Variants in SGCD observed in about 807,000 individuals in gnomAD.
The protein encoded by SGCD is sarcoglycan delta, also known as delta-sarcoglycan.
In SGCD, 18 loss-of-function variants were observed where a neutral mutation model predicts 36.6. The ratio of observed to expected loss-of-function variants is 0.49; its 90% CI spans 0.34 to 0.73. The LOEUF is 0.73. SGCD is among the 30% of genes least tolerant of loss of function. SGCD has a pLI of 0.01. For missense variants in SGCD, 387 were observed against 346.7 expected (o/e 1.12, Z -0.92); for synonymous variants, 133 against 130.6 (o/e 1.02, Z -0.12).
intron 1 of SGCD, among the ~76,000 whole-genome samples, chr5:155,948,986 G>A (rs988091952): frequency 6.6e-6 from 1 of 152,148 alleles, no homozygotes; most frequent in Non-Finnish European, 1.5e-5. Context: ...CAGCTCAGCT[G>A]AGTCTCTGCA....
At chr5:156,365,302 G>A (rs1770034658) in intron 3 of SGCD, among the ~76,000 whole-genome samples, 1 of 152,158 alleles carries the variant, frequency 6.6e-6, no homozygotes, top group Non-Finnish European at 1.5e-5. Context: ...CAAAAACTAG[G>A]AATTCCAATC....
At chr5:156,321,523 C>T (rs73304421) in intron 3 of SGCD, among the ~76,000 whole-genome samples, 2,082 of 152,278 alleles carry the variant, frequency 0.014, 55 homozygotes, top group African/African-American at 0.048. Context: ...CCATAATCCA[C>T]CTGATACTTT....
At chr5:155,808,593 T>C in the SGCD span, among the ~76,000 whole-genome samples, 4 of 152,166 alleles carry the variant, frequency 2.6e-5, no homozygotes, top group African/African-American at 9.7e-5. Flanking sequence ...ATCTGAGAAA[T>C]GGACCCAAAA....
chr5:156,168,424 A>C (rs530891395), intron 3 of SGCD, among the ~76,000 whole-genome samples: 1 of 152,126 alleles, frequency 6.6e-6, no homozygotes, highest in South Asian at 2.1e-4. Context: ...GCATAACATA[A>C]GTTACTTGGG....
At chr5:155,789,336 T>C in the SGCD span, among the ~76,000 whole-genome samples, 3 of 152,272 alleles carry the variant, frequency 2.0e-5, no homozygotes, top group African/African-American at 7.2e-5. Context: ...GAAATTTGCA[T>C]TGAACTAATT....
intron 3 of SGCD, among the ~76,000 whole-genome samples, chr5:156,409,334 T>A (rs1231265627): frequency 6.6e-6 from 1 of 152,170 alleles, no homozygotes; most frequent in Non-Finnish European, 1.5e-5. Context: ...CAAACTTCTC[T>A]GTTTTAAAAT....
intron 3 of SGCD, among the ~76,000 whole-genome samples, chr5:156,402,715 G>A (rs13185401): frequency 0.24 from 36,304 of 152,082 alleles, 5,431 homozygotes; most frequent in Middle Eastern, 0.36. Flanking sequence ...AATAATCAAA[G>A]GGTCAGTCTG....
chr5:156,119,726 C>T (rs979951245), intron 2 of SGCD, among the ~76,000 whole-genome samples: 4 of 152,122 alleles, frequency 2.6e-5, no homozygotes, highest in South Asian at 2.1e-4. Flanking sequence ...TTTGCCTTCT[C>T]GGGATGCCCA....
Position 156,477,021 on chromosome 5 carries a change from G to A in SGCD, c.193-31580G>A, listed in dbSNP as rs1400777112. 5.6e-5 allele frequency among the ~76,000 whole-genome samples: 8 copies of A among 143,454 alleles called. No individual in the cohort carries two copies. The East Asian group carries it at 1.0e-3, about 19-fold the overall frequency. The allele number at this position is 143,454 out of a possible 152,430, so 94.1% of individuals were successfully genotyped here. On this transcript the variant is annotated intron_variant, in intron 3 of 8. Transcript: ENST00000337851. ...AAGCAACAGCAATTTTAGACAGAGC[G>A]TTAATTCAGTGAATTTCAAGAGAAA...
Position 156,763,808 on chromosome 5 carries a change from C to T in SGCD, c.*4418C>T, listed in dbSNP as rs1757539025. On this transcript the variant is annotated 3_prime_UTR_variant, in exon 9 of 9. Transcript: ENST00000337851. ...GAATTTTTTTTAAATGTAAATGACCCCCATTTACCAGACCCTAATCAAAGT... is the reference window on the plus strand; with the variant it reads ...GAATTTTTTTTAAATGTAAATGACCTCCATTTACCAGACCCTAATCAAAGT... 6.6e-6 allele frequency: 1 copy of T among 151,902 alleles called. No individual in the cohort carries two copies. The highest frequency in any genetic ancestry group is 2.4e-5 in the African/African-American group (1 of 41,366). The allele number at this position is 151,902 out of a possible 1,614,324, so 9.4% of individuals were successfully genotyped here.
At chr5:155,833,053 C>A in the SGCD span, among the ~76,000 whole-genome samples, 61 of 90,220 alleles carry the variant, frequency 6.8e-4, no homozygotes, top group East Asian at 1.0e-3. Flanking sequence ...ACTAAAAATA[C>A]GAAAAAAAAA....
intron 4 of SGCD, among the ~76,000 whole-genome samples, chr5:156,514,193 TAGAC>T (rs1217131316): frequency 6.6e-6 from 1 of 152,252 alleles, no homozygotes; most frequent in African/African-American, 2.4e-5. Flanking sequence ...CATTCATTCT[TAGAC>T]AAAGTTGTAC....
intron 1 of SGCD, among the ~76,000 whole-genome samples, chr5:156,000,291 A>G (rs1017297396): frequency 1.3e-5 from 2 of 152,174 alleles, no homozygotes; most frequent in African/African-American, 4.8e-5. Flanking sequence ...GGCCAGCAGT[A>G]TAGGATTGCA....
At chr5:156,213,622 C>A (rs896310041) in intron 3 of SGCD, among the ~76,000 whole-genome samples, 2 of 152,004 alleles carry the variant, frequency 1.3e-5, no homozygotes, top group African/African-American at 4.8e-5. Context: ...TTTATGAAGA[C>A]AGCATTACCG....
chr5:156,642,650 G>A (rs913665256), intron 6 of SGCD, among the ~76,000 whole-genome samples: 7 of 151,406 alleles, frequency 4.6e-5, no homozygotes, highest in Admixed American at 4.6e-4. Flanking sequence ...TGTATTTTTA[G>A]TAGCGACAAG....
At chr5:156,346,804 T>G (rs1256030371) in intron 3 of SGCD, among the ~76,000 whole-genome samples, 2 of 152,074 alleles carry the variant, frequency 1.3e-5, no homozygotes, top group Non-Finnish European at 2.9e-5. Context: ...TTTTTATTTT[T>G]TTATTTTTTG....
At chr5:156,734,841 A>ATCCATATTCTGAATTCTACTTCTGTCATT (rs1756266805) in intron 7 of SGCD, among the ~76,000 whole-genome samples, 2 of 152,102 alleles carry the variant, frequency 1.3e-5, no homozygotes, top group African/African-American at 4.8e-5. Context: ...CTTTGTTCTG[A>ATCCATATTCTGAATTCTACTTCTGTCATT]TCCATATTCT....
At chr5:156,609,086 G>T (rs887299135) in intron 6 of SGCD, among the ~76,000 whole-genome samples, 37 of 151,568 alleles carry the variant, frequency 2.4e-4, no homozygotes, top group Non-Finnish European at 3.2e-4. Flanking sequence ...ATCCTGTCAT[G>T]ATGATGTTAG....
At chr5:156,435,485 T>C (rs182536453) in intron 3 of SGCD, among the ~76,000 whole-genome samples, 1 of 149,726 alleles carries the variant, frequency 6.7e-6, no homozygotes, top group East Asian at 1.9e-4. Context: ...GATGGACAAA[T>C]ACAATTTGAC....
Sources: allele counts gnomAD v4.1 joint callset (sites outside exome capture counted in the v4.1 genomes callset), GRCh38; gene constraint gnomAD v4.1.1; transcripts MANE v1.5; gene names NCBI Gene and HGNC (gene_info 2026-07-23, HGNC 2026-07-21).